PCDHGA5: variants seen among roughly 807,000 people sequenced by gnomAD.
The protein encoded by PCDHGA5 is protocadherin gamma-A5.
A neutral mutation model predicts 56.7 loss-of-function variants in PCDHGA5; 36 were observed. The ratio of observed to expected loss-of-function variants is 0.64; its 90% CI spans 0.49 to 0.84. The LOEUF (loss-of-function observed/expected upper bound fraction) is 0.84, where lower values mean the gene tolerates loss of function less well. Ranked by LOEUF, PCDHGA5 falls within the 40% of genes least tolerant of loss-of-function variation. The pLI, the probability that PCDHGA5 is intolerant of heterozygous loss-of-function variation, is 0.00. For missense variants in PCDHGA5, 1,305 were observed against 1,201.5 expected (o/e 1.09, Z -1.27); for synonymous variants, 563 against 520.2 (o/e 1.08, Z -1.12).
chr5:141,414,435 C>T lies in PCDHGA5; in HGVS notation c.2421+47684C>T, dbSNP rs891322256. 4.3e-6 allele frequency: 7 copies of T among 1,613,678 alleles called. No homozygotes were observed. In the African/African-American group the frequency reaches 8.0e-5, roughly 18 times the overall value. On this transcript the variant is annotated intron_variant, in intron 1 of 3. Coordinates refer to ENST00000518069, the MANE Select transcript of PCDHGA5 (RefSeq NM_018918.3). ...GAGCCCTTGACAGGGAACAGGTATC[C>T]TCTTACAATATCACAGTGACAGCCA...
intron 1 of PCDHGA5, chr5:141,428,599 A>G (rs1324155257): frequency 8.9e-6 from 2 of 223,902 alleles, no homozygotes; most frequent in Non-Finnish European, 1.8e-5. Context: ...AGCAAGCTTC[A>G]CTGAAGAGAA....
chr5:141,390,437 T>C (rs1182289355), intron 1 of PCDHGA5: 42 of 933,186 alleles, frequency 4.5e-5, no homozygotes, highest in Non-Finnish European at 6.5e-5. Flanking sequence ...CATATCATTC[T>C]ACAAAGGAGG....
In PCDHGA5 at chr5:141,400,300, C is replaced by A. The variant is rs1267834290; in HGVS notation, c.2421+33549C>A. The stretch of plus-strand genomic sequence containing the variant: ...CCCTGCCGCCTGGAGCTGCTTCCAA[C>A]CTGGTCTCTGTGTCAAGTCTGGACC... On this transcript the variant is annotated intron_variant, in intron 1 of 3. Transcript: ENST00000518069. 6.8e-6 allele frequency: 11 copies of A among 1,613,966 alleles called. No individual in the cohort carries two copies. The African/African-American group carries it at 1.3e-4, about 20-fold the overall frequency.
chr5:141,369,396 G>A (rs1561544018), intron 1 of PCDHGA5, among the ~76,000 whole-genome samples: 1 of 152,160 alleles, frequency 6.6e-6, no homozygotes, highest in East Asian at 1.9e-4. Context: ...TTGGGCCAGG[G>A]TGGTTCATGA....
At chr5:141,449,198 A>C (rs2098631518) in intron 1 of PCDHGA5, among the ~76,000 whole-genome samples, 1 of 152,188 alleles carries the variant, frequency 6.6e-6, no homozygotes, top group Non-Finnish European at 1.5e-5. Context: ...AAGAAGTGTT[A>C]ATTCTAACTT....
intron 1 of PCDHGA5, chr5:141,427,310 C>A (rs989300491): frequency 2.2e-5 from 10 of 456,738 alleles, no homozygotes; most frequent in African/African-American, 1.8e-4. Flanking sequence ...ATGACAATGC[C>A]CCAGACGTGG....
rs780788394 is a variant in PCDHGA5 at position 141,491,675 on chromosome 5, C to T, written c.2422-3132C>T. ...GAGCCTGACGCCATCCGGTCCCGCT[C>T]TAATACGCTGCGGGAGCGGAGCCAG... On this transcript the variant is annotated intron_variant, in intron 1 of 3. Transcript: ENST00000518069. The surrounding 1 kb of genome is among the most constrained non-coding windows in gnomAD (Gnocchi z 6.9). 6 of 1,613,450 alleles carry T rather than the reference C, an allele frequency of 3.7e-6. No homozygotes were observed. The African/African-American group carries it at 8.0e-5, about 22-fold the overall frequency.
chr5:141,395,813 A>G (rs1201631661), intron 1 of PCDHGA5: 2 of 152,062 alleles, frequency 1.3e-5, no homozygotes, highest in East Asian at 3.9e-4. Context: ...CAAAACATGA[A>G]CAAACTTTAA....
In PCDHGA5 at chr5:141,490,453, T is replaced by C; in HGVS notation, c.2422-4354T>C. 6.2e-7 allele frequency: 1 copy of C among 1,614,178 alleles called. No homozygotes were observed. Among genetic ancestry groups the C allele is most frequent in the Non-Finnish European group, 8.5e-7 (1 of 1,180,042 alleles). ...GATTAAGCCTTCTGAGAACCACTAC[T>C]CGCTGCTAACCAGCCAGCCTTTGGA... On this transcript the variant is annotated intron_variant, in intron 1 of 3. Coordinates refer to ENST00000518069, the MANE Select transcript of PCDHGA5 (RefSeq NM_018918.3). This position sits in a 1 kb window ranked among gnomAD's most constrained non-coding sequence, Gnocchi z 5.4.
At chr5:141,403,699 T>G (rs780425739) in intron 1 of PCDHGA5, 6 of 1,613,934 alleles carry the variant, frequency 3.7e-6, no homozygotes, top group East Asian at 2.2e-5. Context: ...TTTACCGAGT[T>G]AAAGTCCTTG....
Position 141,486,904 on chromosome 5 carries a change from C to G in PCDHGA5, c.2422-7903C>G. On this transcript the variant is annotated intron_variant, in intron 1 of 3. Transcript: ENST00000518069. This position sits in a 1 kb window ranked among gnomAD's most constrained non-coding sequence, Gnocchi z 5.0. The stretch of plus-strand genomic sequence containing the variant: ...GGGCCCGGCCTGGTTCCTTATGTCC[C>G]CAAGCACTGCCTCCATCAGTTGGTG... 6.2e-7 allele frequency: 1 copy of G among 1,614,226 alleles called. No individual in the cohort carries two copies. The highest frequency in any genetic ancestry group is 1.1e-5 in the South Asian group (1 of 91,080).
chr5:141,455,577 C>T (rs1000865176), intron 1 of PCDHGA5, among the ~76,000 whole-genome samples: 3 of 152,120 alleles, frequency 2.0e-5, no homozygotes, highest in East Asian at 1.9e-4. Context: ...CCCACCCCAG[C>T]CTTTTAATAT....
At position 141,469,759 on chromosome 5, in the gene PCDHGA5, T is replaced by C. The variant is rs192437401; in HGVS notation, c.2422-25048T>C. On this transcript the variant is annotated intron_variant, in intron 1 of 3. Coordinates refer to ENST00000518069, the MANE Select transcript of PCDHGA5 (RefSeq NM_018918.3). ...ACCTCAAAAATTACAAAAATACATATATACCAGCTTATTTATTACAGCGTT... is the reference window on the plus strand; with the variant it reads ...ACCTCAAAAATTACAAAAATACATACATACCAGCTTATTTATTACAGCGTT... 3.9e-3 allele frequency among the ~76,000 whole-genome samples: 591 copies of C among 152,310 alleles called. 6 individuals are homozygous for C. Among genetic ancestry groups the C allele is most frequent in the Admixed American group, 0.011 (171 of 15,298 alleles).
chr5:141,395,126 C>T, intron 1 of PCDHGA5: 3 of 1,614,196 alleles, frequency 1.9e-6, no homozygotes, highest in Non-Finnish European at 2.5e-6. Flanking sequence ...TGATCTTTCC[C>T]CAGCCCAACT....
intron 1 of PCDHGA5, chr5:141,389,441 C>T: frequency 6.2e-7 from 1 of 1,610,584 alleles, no homozygotes; most frequent in South Asian, 1.1e-5. Context: ...GCGCCTTCGA[C>T]CACGAGCAGC....
chr5:141,393,917 C>T (rs1429211009), intron 1 of PCDHGA5: 12 of 1,613,806 alleles, frequency 7.4e-6, no homozygotes, highest in Non-Finnish European at 1.7e-6. Context: ...TAATTGCCTT[C>T]TTGAGTGTGC....
At chr5:141,402,962 C>A (rs1482027682) in intron 1 of PCDHGA5, 2 of 1,604,618 alleles carry the variant, frequency 1.2e-6, no homozygotes, top group African/African-American at 2.7e-5. Flanking sequence ...AATGGCAGCT[C>A]CAACCAAATG....
At chr5:141,392,891 C>T in intron 1 of PCDHGA5, 1 of 1,613,594 alleles carries the variant, frequency 6.2e-7, no homozygotes. Flanking sequence ...TGTGGGAAAT[C>T]GGGAGGGGAC....
chr5:141,388,663 C>A (rs770660956), intron 1 of PCDHGA5: 1 of 1,613,928 alleles, frequency 6.2e-7, no homozygotes, highest in Non-Finnish European at 8.5e-7. Context: ...CCGGGGACCA[C>A]GGTGCTACAG....
Sources: gnomAD v4.1 joint callset for allele counts (sites outside exome capture counted in the v4.1 genomes callset) on GRCh38, gnomAD v4.1.1 for gene constraint, Gnocchi (gnomAD v3.1) non-coding constraint, MANE v1.5 for transcripts, NCBI Gene and HGNC (gene_info 2026-07-23, HGNC 2026-07-21) for gene names.